HEATR5A: variants seen among roughly 807,000 people sequenced by gnomAD.
HEATR5A encodes the protein HEAT repeat-containing protein 5A.
In HEATR5A, 178 loss-of-function variants were observed where a neutral mutation model predicts 218.8. That is an observed-to-expected ratio of 0.81 (90% CI 0.72 to 0.92). The LOEUF is 0.92. Among genes scored for constraint, HEATR5A ranks in the 40% least tolerant of loss-of-function variants. The pLI, the probability that HEATR5A is intolerant of heterozygous loss-of-function variation, is 0.00. For synonymous variants in HEATR5A, 864 were observed against 871.6 expected, an observed-to-expected ratio of 0.99 and a Z score of 0.15; for missense variants, 2,420 against 2,418.9, an observed-to-expected ratio of 1.00 and a Z score of -0.01.
chr14:31,386,686 T>G (rs922485844), intron 8 of HEATR5A, 111 bp from the exon 9 acceptor site: 1 of 850,200 alleles, frequency 1.2e-6, no homozygotes, highest in Admixed American at 2.7e-5. Flanking sequence ...ACACTTGATC[T>G]ATATGAAATA....
chr14:31,294,170 CTT>C (rs1899103265), intron 34 of HEATR5A, 66 bp from the exon 35 acceptor site: 3 of 1,071,870 alleles, frequency 2.8e-6, no homozygotes, highest in East Asian at 2.6e-5. Flanking sequence ...CCTGAGGACT[CTT>C]TGCTTTTTAA....
chr14:31,330,847 G>A (rs1361888436), intron 22 of HEATR5A, among the ~76,000 whole-genome samples: 1 of 151,522 alleles, frequency 6.6e-6, no homozygotes, highest in African/African-American at 2.4e-5. Flanking sequence ...TCTGCAGTGC[G>A]CTTGAATTTC....
intron 14 of HEATR5A, among the ~76,000 whole-genome samples, chr14:31,363,726 A>G (rs537823554): frequency 6.6e-5 from 10 of 152,326 alleles, no homozygotes; most frequent in African/African-American, 2.2e-4. Flanking sequence ...CACACCTATA[A>G]TCCCAGCACT....
intron 6 of HEATR5A, among the ~76,000 whole-genome samples, chr14:31,390,933 T>C (rs906922476): frequency 1.3e-5 from 2 of 152,134 alleles, no homozygotes; most frequent in Admixed American, 1.3e-4. Context: ...TTACAGGAGA[T>C]AACAGCTCCA....
At chr14:31,395,645 T>C (rs1034074054) in intron 4 of HEATR5A, among the ~76,000 whole-genome samples, 27 of 152,218 alleles carry the variant, frequency 1.8e-4, no homozygotes, top group African/African-American at 6.3e-4. Context: ...CAATAAATAG[T>C]TGCTATAGTC....
intron 1 of HEATR5A, among the ~76,000 whole-genome samples, chr14:31,409,473 G>C (rs1470156112): frequency 3.3e-5 from 5 of 152,142 alleles, no homozygotes; most frequent in Non-Finnish European, 7.3e-5. Flanking sequence ...GCCAAGGCTG[G>C]CAGATCACTT....
intron 20 of HEATR5A, among the ~76,000 whole-genome samples, chr14:31,344,567 G>A (rs1900962242): frequency 6.7e-6 from 1 of 149,760 alleles, no homozygotes; most frequent in Admixed American, 6.6e-5. Context: ...ACAGGTGAAA[G>A]CCACTGCGCC....
At chr14:31,320,439 C>T (rs900284226) in intron 25 of HEATR5A, 3 of 1,336,366 alleles carry the variant, frequency 2.2e-6, no homozygotes, top group Non-Finnish European at 3.2e-6. Context: ...AACTTGGCGG[C>T]TGTGTCAGTG....
In HEATR5A at chr14:31,339,449, CAAAAAA is replaced by C. The variant is rs55998911; in HGVS notation, c.3229-1841_3229-1836del. On this transcript the variant is annotated intron_variant, in intron 21 of 35. Coordinates refer to ENST00000543095, the MANE Select transcript of HEATR5A (RefSeq NM_015473.4). ...TGGGTGACAGAGTGAAACTGTGTCT[CAAAAAA>C]AAAAAAAAAAAAAAAAAAAGAATGT... is the stretch of plus-strand genomic sequence containing the variant. Among the ~76,000 whole-genome samples the C allele has an allele frequency of 1.2e-4, 8 of 67,468 alleles. 1 individual carries two copies. In the East Asian group the frequency reaches 3.3e-3, roughly 28 times the overall value. The allele number at this position is 67,468 out of a possible 152,430, so 44.3% of individuals were successfully genotyped here.
In HEATR5A at chr14:31,354,299, C is replaced by T. The variant is rs568986628; in HGVS notation, c.2412-3582G>A. On this transcript the variant is annotated intron_variant, in intron 16 of 35. Transcript: ENST00000543095. ...TATCGCACTGGAAGTTATAAAAATA[C>T]GTAAGGTTAGAGATTAAGAATTTGT... Among the ~76,000 whole-genome samples, 5 of 152,214 alleles carry T rather than the reference C, an allele frequency of 3.3e-5. No homozygotes were observed. The East Asian group carries it at 7.7e-4, about 23-fold the overall frequency.
intron 22 of HEATR5A, among the ~76,000 whole-genome samples, chr14:31,331,427 G>A (rs1316661903): frequency 6.6e-6 from 1 of 152,126 alleles, no homozygotes; most frequent in Non-Finnish European, 1.5e-5. Context: ...GGGCTTCATT[G>A]TCCACATTAT....
intron 4 of HEATR5A, among the ~76,000 whole-genome samples, chr14:31,398,327 T>C (rs1381617798): frequency 1.3e-5 from 2 of 152,226 alleles, no homozygotes; most frequent in African/African-American, 4.8e-5. Flanking sequence ...ATCAACTATG[T>C]AGTCCCTGGT....
In HEATR5A at chr14:31,307,948, G is replaced by C. The variant is rs775035578; in HGVS notation, c.4763C>G (p.Ala1588Gly). The change falls in exon 30 of 36, where the codon GCA (alanine) becomes GGA (glycine). Residue 1588 changes from alanine to glycine, a missense_variant. By Grantham distance (60) the Ala-to-Gly change is moderately conservative (BLOSUM62 0). Coordinates refer to ENST00000543095, the MANE Select transcript of HEATR5A (RefSeq NM_015473.4). ...AGGTACATCTAGAAGTGCTTGCAATGCATGTAAACAAGCAGTTATGCTTTC... is the reference window on the plus strand; with the variant it reads ...AGGTACATCTAGAAGTGCTTGCAATCCATGTAAACAAGCAGTTATGCTTTC... The part of the protein sequence containing the change: ...TMESITACLH[A>G]LQALLDVPWP... 35 of 1,613,398 alleles carry C rather than the reference G, an allele frequency of 2.2e-5. No individual in the cohort carries two copies. The Admixed American group carries it at 3.8e-4, about 18-fold the overall frequency.
chr14:31,355,939 C>A (rs1901411281), intron 16 of HEATR5A, among the ~76,000 whole-genome samples: 1 of 152,156 alleles, frequency 6.6e-6, no homozygotes, highest in South Asian at 2.1e-4. Context: ...ACATGTTACA[C>A]AACTGTTTAA....
At chr14:31,414,684 G>C (rs1361780887) in intron 1 of HEATR5A, among the ~76,000 whole-genome samples, 1 of 152,080 alleles carries the variant, frequency 6.6e-6, no homozygotes, top group East Asian at 1.9e-4. Context: ...TCCAAGTTTA[G>C]GCATTAGACT....
intron 31 of HEATR5A, 91 bp from the exon 32 acceptor site, chr14:31,305,268 AT>A: frequency 7.3e-7 from 1 of 1,366,638 alleles, no homozygotes; most frequent in Non-Finnish European, 1.0e-6. Flanking sequence ...AAATACATGT[AT>A]TTTATTTTTT....
At chr14:31,323,229 C>T (rs972157691) in intron 24 of HEATR5A, among the ~76,000 whole-genome samples, 2 of 152,176 alleles carry the variant, frequency 1.3e-5, no homozygotes, top group Admixed American at 6.5e-5. Context: ...GATGTGAACA[C>T]GGCTCACTGC....
At chr14:31,358,500 ATAAT>A (rs1470412048) in intron 16 of HEATR5A, 133 bp downstream of exon 16, 8 of 764,392 alleles carry the variant, frequency 1.0e-5, no homozygotes, top group South Asian at 4.1e-5. Context: ...AGCCAAGTGA[ATAAT>A]TAAACAAAAA....
chr14:31,384,131 A>T (rs1379715097), intron 9 of HEATR5A, among the ~76,000 whole-genome samples: 1 of 152,192 alleles, frequency 6.6e-6, no homozygotes, highest in Non-Finnish European at 1.5e-5. Context: ...TTATCAACAA[A>T]TAACACCTTG....
Sources: allele counts gnomAD v4.1 joint callset (sites outside exome capture counted in the v4.1 genomes callset), GRCh38; gene constraint gnomAD v4.1.1; transcripts MANE v1.5; gene names NCBI Gene and HGNC (gene_info 2026-07-23, HGNC 2026-07-21).